Variants in MSRA observed in about 807,000 individuals in gnomAD.
The protein encoded by MSRA is methionine sulfoxide reductase A.
A neutral mutation model predicts 31.3 loss-of-function variants in MSRA; 54 were observed. That is an observed-to-expected ratio of 1.73 (90% confidence interval 1.39 to 2.17). MSRA has a LOEUF of 2.17. Ranked by LOEUF, MSRA falls within the 30% of genes most tolerant of loss-of-function variation. The probability of loss-of-function intolerance (pLI) is 0.00; values close to 1 mark genes in which losing one functional copy is unlikely to be tolerated. For synonymous variants in MSRA, 169 were observed against 116.5 expected, an observed-to-expected ratio of 1.45 and a Z score of -2.90; for missense variants, 507 against 300.9, an observed-to-expected ratio of 1.69 and a Z score of -5.07.
chr8:10,083,040 C>T (rs965217862), intron 1 of MSRA, among the ~76,000 whole-genome samples: 4 of 152,186 alleles, frequency 2.6e-5, no homozygotes, highest in Admixed American at 1.3e-4. Context: ...ACTGGGGGTG[C>T]ATTTATCAAG....
At chr8:10,073,388 T>C (rs1460810974) in intron 1 of MSRA, among the ~76,000 whole-genome samples, 2 of 152,220 alleles carry the variant, frequency 1.3e-5, no homozygotes, top group Admixed American at 6.5e-5. Flanking sequence ...CTTATTGCTT[T>C]AGCTGTTTTC....
At chr8:10,263,113 A>G (rs908298310) in intron 3 of MSRA, among the ~76,000 whole-genome samples, 2 of 152,240 alleles carry the variant, frequency 1.3e-5, no homozygotes, top group Non-Finnish European at 2.9e-5. Flanking sequence ...TAGTGTCTAG[A>G]AAAATTATCA....
intron 1 of MSRA, among the ~76,000 whole-genome samples, chr8:10,072,542 TC>T (rs1797788034): frequency 6.6e-6 from 1 of 152,166 alleles, no homozygotes; most frequent in African/African-American, 2.4e-5. Flanking sequence ...GAGTCATCCC[TC>T]CCACCTTATT....
At chr8:10,408,987 A>T (rs1807992682) in intron 5 of MSRA, among the ~76,000 whole-genome samples, 1 of 152,180 alleles carries the variant, frequency 6.6e-6, no homozygotes, top group African/African-American at 2.4e-5. Context: ...GTTTAGGTTG[A>T]TTCCATATCC....
intron 1 of MSRA, among the ~76,000 whole-genome samples, chr8:10,185,430 G>T (rs143935443): frequency 1.3e-5 from 2 of 152,180 alleles, no homozygotes; most frequent in Non-Finnish European, 2.9e-5. Flanking sequence ...AGTGGGTGGG[G>T]TAAGATGGAC....
intron 1 of MSRA, among the ~76,000 whole-genome samples, chr8:10,182,555 A>G (rs1806635707): frequency 6.6e-6 from 1 of 151,612 alleles, no homozygotes; most frequent in Non-Finnish European, 1.5e-5. Context: ...GATTCAGTTT[A>G]TTTATTTATT....
intron 3 of MSRA, among the ~76,000 whole-genome samples, chr8:10,279,855 T>A (rs1002025476): frequency 2.0e-5 from 3 of 152,240 alleles, no homozygotes; most frequent in Non-Finnish European, 4.4e-5. Context: ...ATCCTGAGTG[T>A]GCTTCTGGAG....
chr8:10,082,893 G>A lies in MSRA; in HGVS notation c.142+28235G>A, dbSNP rs189161195. Among the ~76,000 whole-genome samples, 11 of 152,336 alleles carry A rather than the reference G, an allele frequency of 7.2e-5. No homozygotes were observed. In the East Asian group the frequency reaches 1.9e-3, roughly 27 times the overall value. ...GGAATTCAATCAATATTTACCGAAC[G>A]ACTAGATGTGCTCAGCACGGTGCTA... On this transcript the variant is annotated intron_variant, in intron 1 of 5. Coordinates refer to ENST00000317173, the MANE Select transcript of MSRA (RefSeq NM_012331.5).
In MSRA at chr8:10,114,016, G is replaced by C. The variant is rs148260666; in HGVS notation, c.142+59358G>C. On this transcript the variant is annotated intron_variant, in intron 1 of 5. Coordinates refer to ENST00000317173, the MANE Select transcript of MSRA (RefSeq NM_012331.5). Reference sequence around the variant, plus strand: ...ATTACTAGTTCACTTTTTGTCTATGGATTTGTCTATTCTGGACCTTTCACG... The same window carrying C: ...ATTACTAGTTCACTTTTTGTCTATGCATTTGTCTATTCTGGACCTTTCACG... Among the ~76,000 whole-genome samples, 185 of 152,196 alleles carry C rather than the reference G, an allele frequency of 1.2e-3. 1 individual carries two copies. In the East Asian group the frequency reaches 0.034, roughly 28 times the overall value.
At chr8:10,387,797 C>A (rs1011386919) in intron 5 of MSRA, among the ~76,000 whole-genome samples, 2 of 152,208 alleles carry the variant, frequency 1.3e-5, no homozygotes, top group Non-Finnish European at 2.9e-5. Flanking sequence ...TAGGGAGGGG[C>A]TCTTAAGACA....
intron 5 of MSRA, among the ~76,000 whole-genome samples, chr8:10,402,700 C>T (rs968147484): frequency 1.2e-4 from 19 of 152,236 alleles, no homozygotes; most frequent in African/African-American, 4.3e-4. Flanking sequence ...GGGAAATGCC[C>T]TTTGGGTGGA....
At position 10,177,064 on chromosome 8, in the gene MSRA, G is replaced by A. The variant is rs1278560903; in HGVS notation, c.143-30769G>A. ...GAATGAGAAATGGTTCTCAAGACTT[G>A]TTCAGTTTATTACGTGCTGTTTGCT... On this transcript the variant is annotated intron_variant, in intron 1 of 5. Transcript: ENST00000317173. 2.6e-5 allele frequency among the ~76,000 whole-genome samples: 4 copies of A among 152,164 alleles called. No individual in the cohort carries two copies. The East Asian group carries it at 5.8e-4, about 22-fold the overall frequency.
rs1175879302 is a variant in MSRA at position 10,415,962 on chromosome 8, G to A, written c.544-12186G>A. ...GCACATCCCCTCTGCCTCGCGTGGT[G>A]GATATTCACAGTCCCGTGTGTCCTC... On this transcript the variant is annotated intron_variant, in intron 5 of 5. Coordinates refer to ENST00000317173, the MANE Select transcript of MSRA (RefSeq NM_012331.5). Among the ~76,000 whole-genome samples, 9 of 152,166 alleles carry A rather than the reference G, an allele frequency of 5.9e-5. No homozygotes were observed. In the East Asian group the frequency reaches 1.4e-3, roughly 23 times the overall value.
intron 5 of MSRA, among the ~76,000 whole-genome samples, chr8:10,382,177 TG>T (rs1806111172): frequency 6.6e-6 from 1 of 152,152 alleles, no homozygotes; most frequent in Non-Finnish European, 1.5e-5. Context: ...GAGCTGCAGT[TG>T]TTTGTGTTAG....
intron 1 of MSRA, among the ~76,000 whole-genome samples, chr8:10,162,246 G>A (rs968001952): frequency 6.6e-6 from 1 of 152,160 alleles, no homozygotes; most frequent in Admixed American, 6.5e-5. Flanking sequence ...GCAGAATCAA[G>A]GCTTTGGGAG....
chr8:10,235,718 A>G (rs17151405), intron 2 of MSRA, among the ~76,000 whole-genome samples: 34,335 of 152,042 alleles, frequency 0.23, 4,155 homozygotes, highest in East Asian at 0.45. Flanking sequence ...GCTTCAGGAA[A>G]TTTTATTGTA....
At chr8:10,317,319 G>T (rs1292595532) in intron 4 of MSRA, among the ~76,000 whole-genome samples, 1 of 152,180 alleles carries the variant, frequency 6.6e-6, no homozygotes, top group Non-Finnish European at 1.5e-5. Flanking sequence ...TCTGCAATCA[G>T]GATGGATAAA....
At chr8:10,209,247 A>T (rs530127273) in intron 2 of MSRA, among the ~76,000 whole-genome samples, 1 of 152,242 alleles carries the variant, frequency 6.6e-6, no homozygotes, top group Admixed American at 6.5e-5. Context: ...AATGTCACAT[A>T]TATCAATGTT....
At chr8:10,219,273 T>G (rs1182046062) in intron 2 of MSRA, among the ~76,000 whole-genome samples, 1 of 152,136 alleles carries the variant, frequency 6.6e-6, no homozygotes, top group Admixed American at 6.5e-5. Flanking sequence ...AGTTTGAGGG[T>G]AGCAGAAGAC....
Sources: allele counts gnomAD v4.1 joint callset (sites outside exome capture counted in the v4.1 genomes callset), GRCh38; gene constraint gnomAD v4.1.1; transcripts MANE v1.5; gene names NCBI Gene and HGNC (gene_info 2026-07-23, HGNC 2026-07-21).